CHRDL1: variants seen among roughly 807,000 people sequenced by gnomAD.
CHRDL1 encodes chordin-like protein 1.
Under a neutral mutation model 40.9 loss-of-function variants are expected in CHRDL1, and 19 were observed. The observed-to-expected ratio is 0.46, with a 90% confidence interval of 0.32 to 0.68. The LOEUF is 0.68. Among genes scored for constraint, CHRDL1 ranks in the 30% least tolerant of loss-of-function variants. The pLI is 0.03. For synonymous variants in CHRDL1, 136 were observed against 123.4 expected, an observed-to-expected ratio of 1.10 and a Z score of -0.68; for missense variants, 329 against 352.1, an observed-to-expected ratio of 0.93 and a Z score of 0.53.
chrX:110,717,965 T>C (rs1184238772), intron 6 of CHRDL1, among the ~76,000 whole-genome samples: 1 of 111,964 alleles, frequency 8.9e-6, no homozygotes, highest in Admixed American at 9.5e-5. Flanking sequence ...TATGCACCCA[T>C]AGTTGAGAAC....
chrX:110,685,471 C>T (rs1488332636), intron 9 of CHRDL1, among the ~76,000 whole-genome samples: 1 of 111,601 alleles, frequency 9.0e-6, no homozygotes, highest in Non-Finnish European at 1.9e-5. Flanking sequence ...CCATGTTGTC[C>T]AGGCTGGTCT....
In CHRDL1 at chrX:110,767,689, T is replaced by G. The variant is rs73528272; in HGVS notation, c.95-4882A>C. ...ATCTAACAAAGGAGTAGAAAGACCT[T>G]TACAAGGAAAACTAAAAACACTGCT... On this transcript the variant is annotated intron_variant, in intron 2 of 11. Transcript: ENST00000372042. Among the ~76,000 whole-genome samples, 402 of 110,155 alleles carry G rather than the reference T, an allele frequency of 3.6e-3. 2 individuals are homozygous for G. Among genetic ancestry groups the G allele is most frequent in the African/African-American group, 0.013 (381 of 30,316 alleles).
intron 2 of CHRDL1, among the ~76,000 whole-genome samples, chrX:110,784,805 G>A (rs2089993765): frequency 8.9e-6 from 1 of 111,759 alleles, no homozygotes; most frequent in Non-Finnish European, 1.9e-5. Context: ...CCATTAAGAT[G>A]AGAACTGGAG....
chrX:110,691,695 A>T (rs897599659), intron 8 of CHRDL1, among the ~76,000 whole-genome samples: 1 of 111,909 alleles, frequency 8.9e-6, no homozygotes, highest in Non-Finnish European at 1.9e-5. Context: ...TCACATTAAG[A>T]AATAAGAATA....
intron 2 of CHRDL1, among the ~76,000 whole-genome samples, 199 bp from the exon 3 acceptor site, chrX:110,763,006 G>T (rs1255694091): frequency 8.9e-6 from 1 of 111,778 alleles, no homozygotes; most frequent in East Asian, 2.8e-4. Flanking sequence ...CCATAAGGTA[G>T]ATATTATTAT....
rs774646099 is a variant in CHRDL1, at chrX:110,732,296, C to T, written c.302-10766G>A. ...GGGGGAAGATTTTCCTGCTTGAAAG[C>T]TTCCAGGAGACTCTGTGGGACCACA... On this transcript the variant is annotated intron_variant, in intron 4 of 11. Transcript: ENST00000372042. 8.6e-4 allele frequency among the ~76,000 whole-genome samples: 96 copies of T among 111,123 alleles called. 1 individual carries two copies. The highest frequency in any genetic ancestry group is 1.6e-3 in the Non-Finnish European group (86 of 52,935).
intron 2 of CHRDL1, among the ~76,000 whole-genome samples, chrX:110,779,667 G>C (rs769400093): frequency 7.2e-5 from 8 of 111,013 alleles, no homozygotes; most frequent in Admixed American, 9.6e-5. Context: ...TGGCTGTTCT[G>C]GGTTTTGCCT....
intron 8 of CHRDL1, among the ~76,000 whole-genome samples, chrX:110,691,925 CTT>C (rs376931792): frequency 3.0e-5 from 3 of 101,630 alleles, no homozygotes; most frequent in African/African-American, 3.6e-5. Flanking sequence ...GCCCTTACCT[CTT>C]TTTTTTTTTT....
chrX:110,792,240 G>C (rs1037640898), intron 1 of CHRDL1, 25 bp from the exon 2 acceptor site: 1 of 663,397 alleles, frequency 1.5e-6, no homozygotes, highest in African/African-American at 2.2e-5. Context: ...GCAGAAAAAA[G>C]ACTTAACACA....
intron 4 of CHRDL1, among the ~76,000 whole-genome samples, chrX:110,758,409 A>G (rs147467807): frequency 1.0e-3 from 113 of 111,736 alleles, no homozygotes; most frequent in African/African-American, 3.2e-3. Context: ...AACCTGTGAT[A>G]TGGCATGATA....
At chrX:110,781,197 C>A (rs935096780) in intron 2 of CHRDL1, among the ~76,000 whole-genome samples, 18 of 111,523 alleles carry the variant, frequency 1.6e-4, no homozygotes, top group African/African-American at 5.8e-4. Flanking sequence ...GTTACTGTTT[C>A]TGTACAATAA....
chrX:110,753,600 A>G (rs745838408), intron 4 of CHRDL1, among the ~76,000 whole-genome samples: 66 of 111,888 alleles, frequency 5.9e-4, no homozygotes, highest in African/African-American at 2.1e-3. Context: ...TCTCTTTTGA[A>G]CCTTCCCTAG....
At chrX:110,705,208 T>C (rs1359655130) in intron 6 of CHRDL1, among the ~76,000 whole-genome samples, 2 of 104,391 alleles carry the variant, frequency 1.9e-5, no homozygotes, top group Admixed American at 1.1e-4. Context: ...TGTGTCGTGA[T>C]GTGTATTTGA....
intron 4 of CHRDL1, among the ~76,000 whole-genome samples, chrX:110,746,531 G>C (rs903581233): frequency 1.2e-4 from 13 of 110,927 alleles, no homozygotes; most frequent in Admixed American, 3.8e-4. Context: ...TACTCACACA[G>C]GCACCTCTGA....
chrX:110,730,241 C>A (rs1341352753), intron 4 of CHRDL1, among the ~76,000 whole-genome samples: 1 of 112,202 alleles, frequency 8.9e-6, no homozygotes, highest in Non-Finnish European at 1.9e-5. Flanking sequence ...TGTAGAACTT[C>A]TCAAAAACTG....
chrX:110,737,793 T>C (rs765516408), intron 4 of CHRDL1, among the ~76,000 whole-genome samples: 42 of 111,434 alleles, frequency 3.8e-4, no homozygotes, highest in African/African-American at 1.3e-3. Flanking sequence ...GCAAGAAATG[T>C]CAAATACAGA....
intron 1 of CHRDL1, among the ~76,000 whole-genome samples, chrX:110,794,621 C>A (rs1421193978): frequency 8.9e-6 from 1 of 112,779 alleles, no homozygotes; most frequent in African/African-American, 3.2e-5. Context: ...AAGGGACCAA[C>A]TGCTCCTTGC....
At chrX:110,697,871 C>G (rs12832128) in intron 7 of CHRDL1, among the ~76,000 whole-genome samples, 35 of 102,720 alleles carry the variant, frequency 3.4e-4, no homozygotes, top group African/African-American at 1.3e-3. Flanking sequence ...CACACACACA[C>G]ACACACACGC....
intron 2 of CHRDL1, among the ~76,000 whole-genome samples, chrX:110,790,194 ATAAT>A (rs1326371952): frequency 2.7e-5 from 3 of 112,057 alleles, no homozygotes; most frequent in African/African-American, 9.7e-5. Flanking sequence ...ATGGACACAC[ATAAT>A]GATGCTCAGT....
Sources: gnomAD v4.1 joint callset for allele counts (sites outside exome capture counted in the v4.1 genomes callset) on GRCh38, gnomAD v4.1.1 for gene constraint, MANE v1.5 for transcripts, NCBI Gene and HGNC (gene_info 2026-07-23, HGNC 2026-07-21) for gene names.